The following PDZD2 variants were observed in gnomAD, a reference collection of about 807,000 sequenced individuals.
PDZD2 encodes PDZ domain containing 2.
PDZD2 carries 90 observed loss-of-function variants against 220.7 expected under a neutral mutation model. That is an observed-to-expected ratio of 0.41 (90% CI 0.34 to 0.49). PDZD2 has a LOEUF of 0.49. Ranked by LOEUF, PDZD2 falls within the 20% of genes least tolerant of loss-of-function variation. The probability of loss-of-function intolerance (pLI) is 0.28; values close to 1 mark genes in which losing one functional copy is unlikely to be tolerated. For missense variants in PDZD2, 3,174 were observed against 3,608.5 expected (o/e 0.88, Z 3.08); for synonymous variants, 1,375 against 1,450.5 (o/e 0.95, Z 1.18).
intron 19 of PDZD2, among the ~76,000 whole-genome samples, chr5:32,086,009 C>T (rs1742415882): frequency 2.6e-5 from 4 of 152,110 alleles, no homozygotes; most frequent in Admixed American, 2.0e-4. Context: ...CCAAACTCCC[C>T]TTGTCAGCCC....
chr5:31,823,033 C>A, intron 2 of PDZD2: 1 of 1,174,212 alleles, frequency 8.5e-7, no homozygotes. Flanking sequence ...GAAGTCCCTC[C>A]GCAGGGTTCC....
chr5:31,805,419 T>C (rs922862743), intron 2 of PDZD2, among the ~76,000 whole-genome samples: 9 of 152,182 alleles, frequency 5.9e-5, no homozygotes, highest in African/African-American at 2.2e-4. Context: ...TCTTAAAAAG[T>C]GGTAAGTAGA....
Position 32,077,429 on chromosome 5 carries a change from A to G in PDZD2, c.3538-33A>G, listed in dbSNP as rs758559693. 2.5e-6 allele frequency: 4 copies of G among 1,611,128 alleles called. No individual in the cohort carries two copies. In the African/African-American group the frequency reaches 4.0e-5, roughly 16 times the overall value. ...TTACGGTGCAGAAAGCCTGAAAGTTATTTCAAGTGGCTTGTGGTTGTCATT... is the reference window on the plus strand; with the variant it reads ...TTACGGTGCAGAAAGCCTGAAAGTTGTTTCAAGTGGCTTGTGGTTGTCATT... On this transcript the variant is annotated intron_variant, in intron 18 of 24. Transcript: ENST00000438447.
intron 7 of PDZD2, among the ~76,000 whole-genome samples, chr5:32,039,357 T>G (rs1316351633): frequency 6.6e-6 from 1 of 151,850 alleles, no homozygotes; most frequent in Non-Finnish European, 1.5e-5. Context: ...TCTGCCCGCC[T>G]CGGCCTCCCC....
Position 31,685,004 on chromosome 5 carries a change from T to G in PDZD2, c.-361+45567T>G, listed in dbSNP as rs530229514. On this transcript the variant is annotated intron_variant, in intron 1 of 24. Coordinates refer to ENST00000438447, the MANE Select transcript of PDZD2 (RefSeq NM_178140.4). ...GCTTGGTGCCAATTATTCAACATGT[T>G]GAATAGTGCCTGGCACCTAGCAGGC... is the stretch of plus-strand genomic sequence containing the variant. Among the ~76,000 whole-genome samples the G allele has an allele frequency of 2.0e-5, 3 of 152,340 alleles. No individual in the cohort carries two copies. The South Asian group carries it at 6.2e-4, about 32-fold the overall frequency.
chr5:31,767,564 T>C (rs78772388), intron 1 of PDZD2, among the ~76,000 whole-genome samples: 1 of 152,254 alleles, frequency 6.6e-6, no homozygotes, highest in South Asian at 2.1e-4. Flanking sequence ...AGATGACTCA[T>C]ATCTTGTAGT....
At chr5:32,005,961 A>T (rs1752762831) in intron 5 of PDZD2, among the ~76,000 whole-genome samples, 1 of 152,124 alleles carries the variant, frequency 6.6e-6, no homozygotes, top group African/African-American at 2.4e-5. Context: ...AGCCTGCCCA[A>T]CATGGTGAAA....
Position 32,108,283 on chromosome 5 carries a change from C to A in PDZD2, c.*148C>A. On this transcript the variant is annotated 3_prime_UTR_variant, in exon 25 of 25. Coordinates refer to ENST00000438447, the MANE Select transcript of PDZD2 (RefSeq NM_178140.4). ...GCTTGTGCTTACACATGAAGCCTGA[C>A]TTAACTGTATGTGCAACAGCAATGA... 1.9e-6 allele frequency: 1 copy of A among 535,432 alleles called. No individual in the cohort carries two copies. The highest frequency in any genetic ancestry group is 3.2e-6 in the Non-Finnish European group (1 of 309,844). The allele number at this position is 535,432 out of a possible 1,614,324, so 33.2% of individuals were successfully genotyped here.
intron 4 of PDZD2, among the ~76,000 whole-genome samples, chr5:31,999,262 G>A (rs1751898512): frequency 6.9e-6 from 1 of 144,204 alleles, no homozygotes; most frequent in Non-Finnish European, 1.5e-5. Flanking sequence ...TTTTTGGGGG[G>A]GGCGGGTGGC....
At chr5:31,759,540 A>ATT (rs71614266) in intron 1 of PDZD2, among the ~76,000 whole-genome samples, 16 of 131,162 alleles carry the variant, frequency 1.2e-4, no homozygotes, top group South Asian at 5.1e-4. Context: ...TCTCAGAACT[A>ATT]TTTTTTTTTT....
intron 4 of PDZD2, among the ~76,000 whole-genome samples, chr5:31,997,673 A>T (rs945189036): frequency 2.0e-5 from 3 of 152,138 alleles, no homozygotes; most frequent in African/African-American, 4.8e-5. Flanking sequence ...TCTATTTTCC[A>T]TCTGAGCCAT....
intron 1 of PDZD2, among the ~76,000 whole-genome samples, chr5:31,704,543 A>T: frequency 6.6e-6 from 1 of 152,234 alleles, no homozygotes; most frequent in South Asian, 2.1e-4. Flanking sequence ...CAGTTGACTT[A>T]ACTAGTGCTC....
At chr5:31,655,200 TCTCA>T (rs1282255696) in intron 1 of PDZD2, among the ~76,000 whole-genome samples, 1 of 152,126 alleles carries the variant, frequency 6.6e-6, no homozygotes, top group Non-Finnish European at 1.5e-5. Flanking sequence ...TGAGACAGAG[TCTCA>T]CTCTGTCACC....
At position 31,731,674 on chromosome 5, in the gene PDZD2, AC is replaced by A. The variant is rs1346066998; in HGVS notation, c.-360-67213del. 2.0e-5 allele frequency among the ~76,000 whole-genome samples: 3 copies of A among 152,268 alleles called. No individual in the cohort carries two copies. In the East Asian group the frequency reaches 5.8e-4, roughly 29 times the overall value. On this transcript the variant is annotated intron_variant, in intron 1 of 24. Transcript: ENST00000438447. ...CGTCTGTGTTGTAGCACGTATCCCA[AC>A]CTTCATTTCTTTATATGGCCAAATA...
intron 1 of PDZD2, among the ~76,000 whole-genome samples, chr5:31,781,232 G>A (rs1235440218): frequency 1.3e-5 from 2 of 152,158 alleles, no homozygotes; most frequent in East Asian, 3.9e-4. Context: ...TGGCCAACGT[G>A]GTAAAACCCT....
chr5:31,930,797 C>T (rs984827303), intron 2 of PDZD2, among the ~76,000 whole-genome samples: 40 of 152,052 alleles, frequency 2.6e-4, no homozygotes, highest in African/African-American at 9.2e-4. Flanking sequence ...CGACCAGACG[C>T]GGTGGCTCAG....
At chr5:32,055,142 T>G (rs1738976269) in intron 10 of PDZD2, among the ~76,000 whole-genome samples, 1 of 152,206 alleles carries the variant, frequency 6.6e-6, no homozygotes, top group Non-Finnish European at 1.5e-5. Flanking sequence ...ATATACTTTT[T>G]ATAAAGAAGA....
intron 6 of PDZD2, among the ~76,000 whole-genome samples, chr5:32,025,028 T>C (rs1271238770): frequency 1.3e-5 from 2 of 152,254 alleles, no homozygotes; most frequent in African/African-American, 4.8e-5. Flanking sequence ...TGCTCCTTCC[T>C]GTGGGCTCAC....
intron 2 of PDZD2, among the ~76,000 whole-genome samples, chr5:31,922,146 G>A (rs1744323010): frequency 6.6e-6 from 1 of 152,166 alleles, no homozygotes; most frequent in Non-Finnish European, 1.5e-5. Context: ...GAGGCTCATA[G>A]AAAGAAATTT....
Sources: gnomAD v4.1 joint callset for allele counts (sites outside exome capture counted in the v4.1 genomes callset) on GRCh38, gnomAD v4.1.1 for gene constraint, MANE v1.5 for transcripts, NCBI Gene and HGNC (gene_info 2026-07-23, HGNC 2026-07-21) for gene names.